The following PTPRO variants were observed in gnomAD, a reference collection of about 807,000 sequenced individuals.
PTPRO encodes protein tyrosine phosphatase receptor type O.
PTPRO carries 62 observed loss-of-function variants against 145.2 expected under a neutral mutation model. The ratio of observed to expected loss-of-function variants is 0.43; its 90% confidence interval spans 0.35 to 0.53. The LOEUF (loss-of-function observed/expected upper bound fraction) is 0.53. Among genes scored for constraint, PTPRO ranks in the 20% least tolerant of loss-of-function variants. The pLI, the probability that PTPRO is intolerant of heterozygous loss-of-function variation, is 0.01. For missense variants in PTPRO, 1,345 were observed against 1,482.7 expected, an observed-to-expected ratio of 0.91 and a Z score of 1.53; for synonymous variants, 565 against 514.7, an observed-to-expected ratio of 1.10 and a Z score of -1.32.
intron 22 of PTPRO, 125 bp from the exon 23 acceptor site, chr12:15,581,554 G>T: frequency 8.7e-7 from 1 of 1,144,232 alleles, no homozygotes; most frequent in Non-Finnish European, 1.3e-6. Flanking sequence ...TTTGCTTTAT[G>T]TTTCATCTTC....
At chr12:15,417,726 AC>A (rs1940022437) in intron 1 of PTPRO, among the ~76,000 whole-genome samples, 1 of 151,820 alleles carries the variant, frequency 6.6e-6, no homozygotes, top group Admixed American at 6.5e-5. Flanking sequence ...GCACGGCTTA[AC>A]CAGTGTGACT....
chr12:15,516,267 A>G (rs370897240), intron 8 of PTPRO, among the ~76,000 whole-genome samples: 242 of 148,948 alleles, frequency 1.6e-3, no homozygotes, highest in Admixed American at 3.5e-3. Context: ...GATTACAGGC[A>G]TGAGCCACCA....
rs61249816 is a variant in PTPRO at position 15,544,506 on chromosome 12, C to CAAAAAA, written c.2165-2047_2165-2042dup. Among the ~76,000 whole-genome samples, 131 of 72,958 alleles carry CAAAAAA rather than the reference C, an allele frequency of 1.8e-3. 2 individuals carry two copies. Among genetic ancestry groups the CAAAAAA allele is most frequent in the East Asian group, 3.4e-3 (8 of 2,330 alleles). 47.9% of individuals were successfully genotyped at this position (72,958 alleles called of 152,430 possible). ...CTGGTGACAGAGCGAGACTCCATCT[C>CAAAAAA]AAAAAAAAAAAAAAAAAAAAAGATT... On this transcript the variant is annotated intron_variant, in intron 12 of 26. Coordinates refer to ENST00000281171, the MANE Select transcript of PTPRO (RefSeq NM_030667.3).
intron 1 of PTPRO, among the ~76,000 whole-genome samples, chr12:15,462,318 G>A (rs1475760927): frequency 6.6e-6 from 1 of 151,970 alleles, no homozygotes; most frequent in Non-Finnish European, 1.5e-5. Flanking sequence ...TAGAGACCGG[G>A]TTTCACCACG....
chr12:15,554,270 G>T (rs891821662), intron 15 of PTPRO, among the ~76,000 whole-genome samples: 5 of 152,154 alleles, frequency 3.3e-5, no homozygotes, highest in African/African-American at 9.7e-5. Flanking sequence ...ACTGAGAGAG[G>T]ATTCCAGGTC....
At chr12:15,381,762 C>T (rs1200183499) in intron 1 of PTPRO, among the ~76,000 whole-genome samples, 2 of 151,958 alleles carry the variant, frequency 1.3e-5, no homozygotes, top group African/African-American at 4.8e-5. Flanking sequence ...TGTTTAATTC[C>T]CTGCTCCCTT....
chr12:15,440,300 GTAT>G, intron 1 of PTPRO: 2 of 537,546 alleles, frequency 3.7e-6, no homozygotes, highest in Non-Finnish European at 6.6e-6. Context: ...GAAGGAGACT[GTAT>G]TCACCATGTC....
chr12:15,416,351 G>T (rs955652696), intron 1 of PTPRO, among the ~76,000 whole-genome samples: 2 of 141,086 alleles, frequency 1.4e-5, no homozygotes, highest in African/African-American at 2.7e-5. Flanking sequence ...ACAGAGTCTC[G>T]CTCTGTCGCC....
intron 1 of PTPRO, among the ~76,000 whole-genome samples, chr12:15,326,681 T>C (rs2136193647): frequency 6.6e-6 from 1 of 152,354 alleles, no homozygotes; most frequent in African/African-American, 2.4e-5. Context: ...TGAGGGGTTG[T>C]AAAAGAATGT....
In PTPRO at chr12:15,508,737, C is replaced by T. The variant is rs1158109821; in HGVS notation, c.1434C>T (p.Ser478=). The change falls in exon 7 of 27, where the codon AGC becomes AGT. Residue 478 remains serine, a synonymous_variant. Coordinates refer to ENST00000281171, the MANE Select transcript of PTPRO (RefSeq NM_030667.3). The part of the protein sequence containing the change: ...VSLTCQKQKE[S]QRLEKQYCTQ... ...TGACCTGCCAGAAACAAAAGGAGAGCCAGAGGCTTGAAAAGCAGTACTGCA... is the reference window on the plus strand; with the variant it reads ...TGACCTGCCAGAAACAAAAGGAGAGTCAGAGGCTTGAAAAGCAGTACTGCA... The T allele has an allele frequency of 1.2e-6, 2 of 1,614,048 alleles. No individual in the cohort carries two copies. The highest frequency in any genetic ancestry group is 1.1e-5 in the South Asian group (1 of 91,074).
At chr12:15,591,347 G>A (rs980169082) in intron 25 of PTPRO, among the ~76,000 whole-genome samples, 63 of 152,024 alleles carry the variant, frequency 4.1e-4, no homozygotes, top group African/African-American at 1.4e-3. Context: ...CTCCAGCCTG[G>A]GCGACAGAGT....
intron 12 of PTPRO, among the ~76,000 whole-genome samples, chr12:15,541,155 G>A (rs908083066): frequency 4.6e-5 from 7 of 152,178 alleles, no homozygotes; most frequent in African/African-American, 1.7e-4. Context: ...TTTGGAGCAT[G>A]AGAATATGGA....
chr12:15,413,117 G>A (rs1939846894), intron 1 of PTPRO, among the ~76,000 whole-genome samples: 1 of 151,898 alleles, frequency 6.6e-6, no homozygotes, highest in African/African-American at 2.4e-5. Context: ...TTGAGACAGG[G>A]TCTCGCTCTG....
At chr12:15,353,542 A>G (rs998069126) in intron 1 of PTPRO, among the ~76,000 whole-genome samples, 2 of 152,216 alleles carry the variant, frequency 1.3e-5, no homozygotes, top group African/African-American at 4.8e-5. Flanking sequence ...ACGAATTCCC[A>G]CTGATATTCT....
chr12:15,359,680 G>A (rs1029048432), intron 1 of PTPRO, among the ~76,000 whole-genome samples: 22 of 151,896 alleles, frequency 1.4e-4, no homozygotes, highest in African/African-American at 5.3e-4. Context: ...CACCTGCCTG[G>A]GCCTCCCAAA....
chr12:15,540,356 G>A (rs1228034897), intron 12 of PTPRO, among the ~76,000 whole-genome samples: 2 of 152,198 alleles, frequency 1.3e-5, no homozygotes, highest in Non-Finnish European at 2.9e-5. Flanking sequence ...CATATGAAGA[G>A]CATTCTAAAA....
chr12:15,522,430 G>A (rs1209844226), intron 10 of PTPRO, among the ~76,000 whole-genome samples: 12 of 144,764 alleles, frequency 8.3e-5, no homozygotes, highest in African/African-American at 1.8e-4. Context: ...CCCACCCCCC[G>A]ACAGTTCTCA....
rs752538175 is a variant in PTPRO at position 15,526,162 on chromosome 12, T to A, written c.2064T>A (p.Thr688=). The change falls in exon 12 of 27, where the codon ACT becomes ACA. Residue 688 remains threonine, a synonymous_variant. Transcript: ENST00000281171. ...TGCAGGTAACACGCAATGTCATGAC[T>A]GCAATTCTCAGCTTGCCTCCAGGCG... ...IKKSVTRNVM[T]AILSLPPGDI... The A allele has an allele frequency of 6.2e-7, 1 of 1,614,040 alleles. No homozygotes were observed. Among genetic ancestry groups the A allele is most frequent in the Non-Finnish European group, 8.5e-7 (1 of 1,179,918 alleles).
chr12:15,355,807 G>A (rs1358615520), intron 1 of PTPRO, among the ~76,000 whole-genome samples: 1 of 152,100 alleles, frequency 6.6e-6, no homozygotes, highest in Non-Finnish European at 1.5e-5. Flanking sequence ...TTCTATTATT[G>A]TGTAAAAGAA....
Sources: gnomAD v4.1 joint callset for allele counts (sites outside exome capture counted in the v4.1 genomes callset) on GRCh38, gnomAD v4.1.1 for gene constraint, MANE v1.5 for transcripts, NCBI Gene and HGNC (gene_info 2026-07-23, HGNC 2026-07-21) for gene names.